The following HEMK2 variants were observed in gnomAD, a reference collection of about 807,000 sequenced individuals.
HEMK2 encodes methyltransferase HEMK2.
At chr21:28,853,820 A>G in the HEMK2 span, among the ~76,000 whole-genome samples, 3 of 152,190 alleles carry the variant, frequency 2.0e-5, no homozygotes, top group Non-Finnish European at 4.4e-5. Context: ...TACACGCTCA[A>G]TGTCCCCAGC....
the HEMK2 span, among the ~76,000 whole-genome samples, chr21:28,820,282 G>C: frequency 6.6e-6 from 1 of 152,094 alleles, no homozygotes; most frequent in African/African-American, 2.4e-5. Flanking sequence ...TCAATCCTCT[G>C]CCTCTCCCAA....
the HEMK2 span, among the ~76,000 whole-genome samples, chr21:28,633,988 T>C: frequency 6.6e-6 from 1 of 152,200 alleles, no homozygotes. Flanking sequence ...AGATAATTCA[T>C]TCTGTGCCAG....
At chr21:28,640,422 C>T in the HEMK2 span, among the ~76,000 whole-genome samples, 3 of 152,154 alleles carry the variant, frequency 2.0e-5, no homozygotes, top group African/African-American at 4.8e-5. Flanking sequence ...TAAATTTTCT[C>T]GTATCCAGCA....
chr21:28,756,948 C>T, the HEMK2 span, among the ~76,000 whole-genome samples: 5 of 152,270 alleles, frequency 3.3e-5, no homozygotes, highest in South Asian at 1.0e-3. Context: ...CACTTAATAA[C>T]TTTTGTTCTA....
At chr21:28,620,718 T>C in the HEMK2 span, among the ~76,000 whole-genome samples, 4 of 129,932 alleles carry the variant, frequency 3.1e-5, no homozygotes, top group East Asian at 5.3e-4. Context: ...CTGCCACCCA[T>C]GCTAGAGTGC....
chr21:28,582,549 AG>A, the HEMK2 span, among the ~76,000 whole-genome samples: 1 of 152,218 alleles, frequency 6.6e-6, no homozygotes, highest in Non-Finnish European at 1.5e-5. Flanking sequence ...AGGGTCTGCC[AG>A]GGCTCTCAGT....
chr21:28,777,664 C>A, the HEMK2 span, among the ~76,000 whole-genome samples: 1 of 152,076 alleles, frequency 6.6e-6, no homozygotes, highest in Non-Finnish European at 1.5e-5. Flanking sequence ...TTAAAGAACA[C>A]GTTTGGCAAG....
chr21:28,593,821 T>C, the HEMK2 span, among the ~76,000 whole-genome samples: 6 of 152,284 alleles, frequency 3.9e-5, no homozygotes, highest in Non-Finnish European at 7.4e-5. Flanking sequence ...ATGAAGAGAA[T>C]AGACAAATCT....
At chr21:28,677,712 A>G in the HEMK2 span, among the ~76,000 whole-genome samples, 85,353 of 152,064 alleles carry the variant, frequency 0.56, 26,848 homozygotes, top group East Asian at 0.84. Context: ...CCAGAGGAAC[A>G]ATCAGGCAGC....
At chr21:28,650,778 G>A in the HEMK2 span, among the ~76,000 whole-genome samples, 1,157 of 152,224 alleles carry the variant, frequency 7.6e-3, 51 homozygotes, top group Admixed American at 0.062. Context: ...GCATATAAAG[G>A]GGAGTTGAAT....
At chr21:28,837,594 GA>G in the HEMK2 span, among the ~76,000 whole-genome samples, 1 of 152,070 alleles carries the variant, frequency 6.6e-6, no homozygotes, top group Non-Finnish European at 1.5e-5. Flanking sequence ...CAAAAAGACT[GA>G]AAGAGCACAA....
the HEMK2 span, among the ~76,000 whole-genome samples, chr21:28,716,833 GA>G: frequency 6.6e-6 from 1 of 152,132 alleles, no homozygotes; most frequent in Non-Finnish European, 1.5e-5. Context: ...TGGATTTTAT[GA>G]AAAAGCTTTT....
the HEMK2 span, among the ~76,000 whole-genome samples, chr21:28,826,095 A>C: frequency 6.6e-6 from 1 of 152,138 alleles, no homozygotes; most frequent in Non-Finnish European, 1.5e-5. Context: ...ACGTTAAATG[A>C]CTCCTCAGGC....
At chr21:28,792,121 T>C in the HEMK2 span, among the ~76,000 whole-genome samples, 6 of 152,088 alleles carry the variant, frequency 3.9e-5, no homozygotes, top group African/African-American at 1.4e-4. Context: ...AATTACCCTA[T>C]ATGGTCTGAA....
At chr21:28,740,056 C>T in the HEMK2 span, among the ~76,000 whole-genome samples, 63 of 152,320 alleles carry the variant, frequency 4.1e-4, no homozygotes, top group Admixed American at 1.0e-3. Flanking sequence ...TGTCTTCCCC[C>T]AAAGAGTTCC....
the HEMK2 span, among the ~76,000 whole-genome samples, chr21:28,586,178 T>C: frequency 2.4e-4 from 37 of 152,312 alleles, no homozygotes; most frequent in African/African-American, 8.9e-4. Context: ...GCATTAAAAA[T>C]TAACTTAAAA....
At chr21:28,618,316 C>T in the HEMK2 span, among the ~76,000 whole-genome samples, 1 of 152,098 alleles carries the variant, frequency 6.6e-6, no homozygotes, top group African/African-American at 2.4e-5. Flanking sequence ...TGTATATTCA[C>T]AAAAACAAAT....
chr21:28,841,884 T>A, the HEMK2 span, among the ~76,000 whole-genome samples: 1 of 152,192 alleles, frequency 6.6e-6, no homozygotes, highest in Non-Finnish European at 1.5e-5. Context: ...CATTTCACAC[T>A]TGTCTCAACT....
the HEMK2 span, among the ~76,000 whole-genome samples, chr21:28,797,326 T>C: frequency 6.6e-6 from 1 of 151,902 alleles, no homozygotes; most frequent in Non-Finnish European, 1.5e-5. Context: ...CCGGAACCAG[T>C]GGCCCATGCC....
Sources: gnomAD v4.1 joint callset for allele counts (sites outside exome capture counted in the v4.1 genomes callset) on GRCh38, gnomAD v4.1.1 for gene constraint, MANE v1.5 for transcripts, NCBI Gene and HGNC (gene_info 2026-07-23, HGNC 2026-07-21) for gene names.